Variants in BRCA2 observed in about 807,000 individuals in gnomAD.
The protein encoded by BRCA2 is BRCA2 DNA repair associated, also known as breast cancer type 2 susceptibility protein.
In BRCA2, 203 loss-of-function variants were observed where a neutral mutation model predicts 276.7. The observed-to-expected ratio is 0.73, with a 90% confidence interval of 0.65 to 0.82. BRCA2 has a LOEUF of 0.82. Ranked by LOEUF, BRCA2 falls within the 40% of genes least tolerant of loss-of-function variation. BRCA2 has a pLI of 0.00. For synonymous variants in BRCA2, 1,289 were observed against 1,338.4 expected, an observed-to-expected ratio of 0.96 and a Z score of 0.81; for missense variants, 3,920 against 3,915.0, an observed-to-expected ratio of 1.00 and a Z score of -0.03.
In BRCA2 at chr13:32,398,276, G is replaced by A. The variant is rs764208320; in HGVS notation, c.9763G>A (p.Gly3255Arg). The A allele has an allele frequency of 1.9e-6, 3 of 1,614,030 alleles. No homozygotes were observed. The highest frequency in any genetic ancestry group is 2.2e-5 in the East Asian group (1 of 44,892). Residue 3255 changes from glycine to arginine, a missense_variant, in exon 27 of 27, where the codon GGG becomes AGG. Gly to Arg is a moderately radical substitution (Grantham distance 125, BLOSUM62 -2). This residue lies in a region of BRCA2 where 657 missense variants were observed against 758.2 expected (regional missense o/e 0.87). Transcript: ENST00000380152. ...SAQMTSKSCK[G>R]EKEIDDQKNC... ...CCAGATGACTTCAAAGTCTTGTAAA[G>A]GGGAGAAAGAGATTGATGACCAAAA...
intron 10 of BRCA2, among the ~76,000 whole-genome samples, chr13:32,335,149 G>C (rs1057310277): frequency 6.6e-6 from 1 of 152,090 alleles, no homozygotes; most frequent in Non-Finnish European, 1.5e-5. Flanking sequence ...TTCAAGACCA[G>C]CCTGGCCAAC....
At chr13:32,372,028 G>C (rs2072838200) in intron 20 of BRCA2, among the ~76,000 whole-genome samples, 1 of 152,228 alleles carries the variant, frequency 6.6e-6, no homozygotes, top group Non-Finnish European at 1.5e-5. Context: ...AGTTGGTGAA[G>C]GTTGGGGCAG....
intron 7 of BRCA2, 119 bp from the exon 8 acceptor site, chr13:32,329,324 C>T (rs2072371703): frequency 1.5e-6 from 1 of 680,000 alleles, no homozygotes; most frequent in Admixed American, 2.6e-5. Context: ...TGAATCAATT[C>T]ATTTTGTTTC....
At chr13:32,343,121 T>C (rs1238222700) in intron 11 of BRCA2, among the ~76,000 whole-genome samples, 1 of 152,176 alleles carries the variant, frequency 6.6e-6, no homozygotes, top group Non-Finnish European at 1.5e-5. Context: ...GGTCTATTGT[T>C]GACCAAAATG....
In BRCA2 at chr13:32,344,550, C is replaced by T. The variant is rs1054343954; in HGVS notation, c.6842-8C>T. The stretch of plus-strand genomic sequence containing the variant: ...CCTTAAAAACATATATGAAATATTT[C>T]TTTTTAGGAGAACCCTCAATCAAAA... On this transcript the variant is annotated splice_region_variant and splice_polypyrimidine_tract_variant and intron_variant, in intron 11 of 26. Transcript: ENST00000380152. 6.7e-7 allele frequency: 1 copy of T among 1,486,690 alleles called. No individual in the cohort carries two copies. Among genetic ancestry groups the T allele is most frequent in the Non-Finnish European group, 9.3e-7 (1 of 1,069,680 alleles). 92.1% of individuals were successfully genotyped at this position (1,486,690 alleles called of 1,614,324 possible).
At position 32,338,552 on chromosome 13, in the gene BRCA2, T is replaced by C. The variant is rs1339703491; in HGVS notation, c.4197T>C (p.Cys1399=). The C allele has an allele frequency of 6.2e-7, 1 of 1,600,662 alleles. No homozygotes were observed. Among genetic ancestry groups the C allele is most frequent in the Non-Finnish European group, 8.5e-7 (1 of 1,174,782 alleles). The change falls in exon 11 of 27, where the codon TGT becomes TGC. Residue 1399 remains cysteine (C), a synonymous_variant. Transcript: ENST00000380152. The part of the protein sequence containing the change: ...FLEVAKAQEA[C]HGNTSNKEQL... The stretch of plus-strand genomic sequence containing the variant: ...AAGTTGCGAAAGCTCAAGAAGCATG[T>C]CATGGTAATACTTCAAATAAAGAAC...
At chr13:32,347,008 C>T in intron 13 of BRCA2, 112 bp downstream of exon 13, 1 of 733,042 alleles carries the variant, frequency 1.4e-6, no homozygotes, top group Non-Finnish European at 2.2e-6. Context: ...TTAACACTTC[C>T]CGTTTTATAA....
Position 32,332,633 on chromosome 13 carries a change from G to T in BRCA2, c.1155G>T (p.Lys385Asn). ...PFESGSDKIS[K>N]EVVPSLACEW... is the part of the protein sequence containing the mutation. ...AGAGTGGAAGTGACAAAATCTCCAA[G>T]GAAGTTGTACCGTCTTTGGCCTGTG... Residue 385 changes from lysine to asparagine, a missense_variant, in exon 10 of 27, where the codon AAG (lysine) becomes AAT (asparagine). Physicochemically the swap from Lys to Asn is moderately conservative, Grantham distance 94. Coordinates refer to ENST00000380152, the MANE Select transcript of BRCA2 (RefSeq NM_000059.4). The T allele has an allele frequency of 6.2e-7, 1 of 1,614,088 alleles. No homozygotes were observed. Among genetic ancestry groups the T allele is most frequent in the East Asian group, 2.2e-5 (1 of 44,870 alleles).
chr13:32,355,836 C>T (rs2072689359), intron 14 of BRCA2, among the ~76,000 whole-genome samples: 4 of 151,694 alleles, frequency 2.6e-5, no homozygotes, highest in East Asian at 2.0e-4. Context: ...GCCGAGATCG[C>T]GCCATTGCAC....
intron 2 of BRCA2, among the ~76,000 whole-genome samples, chr13:32,317,450 A>G (rs1375760505): frequency 6.6e-6 from 1 of 152,204 alleles, no homozygotes; most frequent in East Asian, 1.9e-4. Context: ...CTCACGTTGA[A>G]AAAAGGAATA....
chr13:32,395,375 CCTAGATCATGTATGCATTTTCT>C (rs1387413284), intron 25 of BRCA2, among the ~76,000 whole-genome samples: 1 of 151,836 alleles, frequency 6.6e-6, no homozygotes, highest in Non-Finnish European at 1.5e-5. Flanking sequence ...TATTATTTTC[CCTAGATCATGTATGCATTTTCT>C]GCTTAAATCT....
In BRCA2 at chr13:32,326,394, A is replaced by C. The variant is rs552306042; in HGVS notation, c.517-105A>C. 90 of 1,440,954 alleles carry C rather than the reference A, an allele frequency of 6.2e-5. No homozygotes were observed. In the African/African-American group the frequency reaches 1.2e-3, roughly 19 times the overall value. 89.3% of individuals were successfully genotyped at this position (1,440,954 alleles called of 1,614,324 possible). The stretch of plus-strand genomic sequence containing the variant: ...CTGTACCTAGCATTCTGCCTCATAC[A>C]GGCAATTCAGTAAACGTTAAGTGAA... On this transcript the variant is annotated intron_variant, in intron 6 of 26. Coordinates refer to ENST00000380152, the MANE Select transcript of BRCA2 (RefSeq NM_000059.4).
rs1064794885 is a variant in BRCA2 at position 32,337,270 on chromosome 13, A to G, written c.2915A>G (p.Lys972Arg). 1 of 1,611,876 alleles carries G rather than the reference A, an allele frequency of 6.2e-7. No homozygotes were observed. Among genetic ancestry groups the G allele is most frequent in the African/African-American group, 1.3e-5 (1 of 74,716 alleles). Residue 972 changes from lysine (K) to arginine (R), a missense_variant, in exon 11 of 27, where the codon AAA (lysine) becomes AGA (arginine). Around this residue, in one of 2 missense-constraint regions of BRCA2, gnomAD observed 3,263 missense variants for 3,156.9 expected, o/e 1.03. Coordinates refer to ENST00000380152, the MANE Select transcript of BRCA2 (RefSeq NM_000059.4). ...HIKMTLGQDL[K>R]SDISLNIDKI... ...AAAATGACTCTAGGTCAAGATTTAAAATCGGACATCTCCTTGAATATAGAT... is the reference window on the plus strand; with the variant it reads ...AAAATGACTCTAGGTCAAGATTTAAGATCGGACATCTCCTTGAATATAGAT...
intron 7 of BRCA2, among the ~76,000 whole-genome samples, chr13:32,327,199 A>G (rs1011834143): frequency 2.0e-5 from 3 of 152,156 alleles, no homozygotes; most frequent in Admixed American, 6.5e-5. Context: ...TGTAATCCCA[A>G]CACTTTGGGA....
rs115974024 is a variant in BRCA2 at position 32,327,154 on chromosome 13, T to C, written c.631+541T>C. On this transcript the variant is annotated intron_variant, in intron 7 of 26. Coordinates refer to ENST00000380152, the MANE Select transcript of BRCA2 (RefSeq NM_000059.4). ...TTTCTCTTACTAGGATCTAGAAATA[T>C]TTCCTATTGTAGGCTGGTTGCAGTG... Among the ~76,000 whole-genome samples the C allele has an allele frequency of 7.1e-3, 1,089 of 152,308 alleles. 10 individuals are homozygous for C. The highest frequency in any genetic ancestry group is 0.024 in the African/African-American group (1,013 of 41,572).
chr13:32,383,695 G>A (rs2072940717), intron 24 of BRCA2, among the ~76,000 whole-genome samples: 1 of 152,096 alleles, frequency 6.6e-6, no homozygotes, highest in Non-Finnish European at 1.5e-5. Context: ...GAGCAAAGAA[G>A]AGACATTAGA....
chr13:32,379,720 A>T (rs778141646), intron 22 of BRCA2, 30 bp from the exon 23 acceptor site: 21 of 1,596,596 alleles, frequency 1.3e-5, no homozygotes, highest in Non-Finnish European at 1.8e-5. Flanking sequence ...CACTTCTTCC[A>T]TTGCATCTTT....
chr13:32,339,921 C>T lies in BRCA2; in HGVS notation c.5566C>T (p.His1856Tyr), dbSNP rs755791142. 8 of 1,606,852 alleles carry T rather than the reference C, an allele frequency of 5.0e-6. No individual in the cohort carries two copies. The change falls in exon 11 of 27, where the codon CAT becomes TAT. Residue 1856 changes from histidine (H) to tyrosine (Y), a missense_variant. By Grantham distance (83) the His-to-Tyr change is moderately conservative. Coordinates refer to ENST00000380152, the MANE Select transcript of BRCA2 (RefSeq NM_000059.4). The stretch of plus-strand genomic sequence containing the variant: ...CAGTGGTAAAATCGTTTGTGTTTCA[C>T]ATGAAACAATTAAAAAAGTGAAAGA... ...IASGKIVCVSHETIKKVKDIF... is the reference protein window; with the variant it reads ...IASGKIVCVSYETIKKVKDIF...
rs2137471986 is a variant in BRCA2, at chr13:32,332,962, C to G, written c.1484C>G (p.Ala495Gly). 6.2e-7 allele frequency: 1 copy of G among 1,600,770 alleles called. No individual in the cohort carries two copies. The highest frequency in any genetic ancestry group is 8.5e-7 in the Non-Finnish European group (1 of 1,176,886). Residue 495 changes from alanine (A) to glycine (G), a missense_variant, in exon 10 of 27, where the codon GCT (alanine) becomes GGT (glycine). By Grantham distance (60) the Ala-to-Gly change is moderately conservative. Transcript: ENST00000380152. ...GCAATATCTGGAACTTCTCCAGTGG[C>G]TTCTTCATTTCAGGGTATCAAAAAG... ...KQAISGTSPV[A>G]SSFQGIKKSI...
Sources: allele counts gnomAD v4.1 joint callset (sites outside exome capture counted in the v4.1 genomes callset), GRCh38; gene constraint gnomAD v4.1.1; regional missense constraint gnomAD v4.1.1; transcripts MANE v1.5; gene names NCBI Gene and HGNC (gene_info 2026-07-23, HGNC 2026-07-21).